RAB38: variants seen among roughly 807,000 people sequenced by gnomAD.
RAB38 encodes ras-related protein Rab-38.
In RAB38, 15 loss-of-function variants were observed where a neutral mutation model predicts 18.4. That is an observed-to-expected ratio of 0.82 (90% CI 0.55 to 1.26). The LOEUF (loss-of-function observed/expected upper bound fraction) is 1.26, where lower values mean the gene tolerates loss of function less well. Ranked by LOEUF, RAB38 falls within the 50% of genes most tolerant of loss-of-function variation. The probability of loss-of-function intolerance (pLI) is 0.00; values close to 1 mark genes in which losing one functional copy is unlikely to be tolerated. For synonymous variants in RAB38, 101 were observed against 104.4 expected (o/e 0.97, Z 0.20); for missense variants, 294 against 267.4 (o/e 1.10, Z -0.69).
the RAB38 span, among the ~76,000 whole-genome samples, chr11:87,961,168 G>A: frequency 6.6e-6 from 1 of 152,064 alleles, no homozygotes; most frequent in African/African-American, 2.4e-5. Context: ...CCTCCTTTCA[G>A]CTAGAGTGCT....
the RAB38 span, among the ~76,000 whole-genome samples, chr11:88,020,281 CA>C: frequency 6.6e-6 from 1 of 151,718 alleles, no homozygotes; most frequent in African/African-American, 2.4e-5. Flanking sequence ...CAATGAAAAC[CA>C]AAAAAGAGCA....
the RAB38 span, among the ~76,000 whole-genome samples, chr11:87,969,922 G>T: frequency 6.6e-6 from 1 of 152,078 alleles, no homozygotes. Context: ...TTTGAGGAGA[G>T]GTAGGGTTCA....
At chr11:88,055,557 A>C in the RAB38 span, among the ~76,000 whole-genome samples, 2 of 152,216 alleles carry the variant, frequency 1.3e-5, no homozygotes, top group African/African-American at 4.8e-5. Flanking sequence ...TTCTATCTGC[A>C]AAGTGTAGAG....
At chr11:87,828,542 G>C in the RAB38 span, among the ~76,000 whole-genome samples, 1 of 152,164 alleles carries the variant, frequency 6.6e-6, no homozygotes, top group Non-Finnish European at 1.5e-5. Flanking sequence ...GTGAGAAGAG[G>C]TGTTTTCTGC....
chr11:87,910,151 TACTA>T, the RAB38 span, among the ~76,000 whole-genome samples: 13 of 151,770 alleles, frequency 8.6e-5, no homozygotes, highest in Admixed American at 3.9e-4. Context: ...TTAATTTTTC[TACTA>T]ACTAATTATG....
chr11:87,922,393 T>G, the RAB38 span, among the ~76,000 whole-genome samples: 2 of 152,060 alleles, frequency 1.3e-5, no homozygotes, highest in Non-Finnish European at 2.9e-5. Context: ...GCACTGTTTT[T>G]GTTTCAATCA....
intron 1 of RAB38, among the ~76,000 whole-genome samples, chr11:88,150,975 T>TTG (rs1943056778): frequency 6.6e-6 from 1 of 152,194 alleles, no homozygotes; most frequent in Non-Finnish European, 1.5e-5. Flanking sequence ...CCTTAAATAC[T>TTG]CTACAACCTA....
chr11:87,972,699 G>A, the RAB38 span, among the ~76,000 whole-genome samples: 1 of 152,052 alleles, frequency 6.6e-6, no homozygotes, highest in East Asian at 1.9e-4. Flanking sequence ...ACAGCTTTTT[G>A]AATATTTTTT....
the RAB38 span, among the ~76,000 whole-genome samples, chr11:88,045,866 C>T: frequency 1.7e-3 from 266 of 152,244 alleles, no homozygotes; most frequent in South Asian, 3.5e-3. Context: ...CTTAAAACTC[C>T]CCAACTCTGG....
chr11:87,806,495 C>T, the RAB38 span, among the ~76,000 whole-genome samples: 12 of 152,268 alleles, frequency 7.9e-5, no homozygotes, highest in Admixed American at 7.9e-4. Flanking sequence ...AATACTGTTA[C>T]ATTGGGAATA....
At chr11:88,174,980 A>T (rs930403468) in intron 1 of RAB38, among the ~76,000 whole-genome samples, 8 of 152,254 alleles carry the variant, frequency 5.3e-5, no homozygotes, top group African/African-American at 1.9e-4. Flanking sequence ...AAGGAGCTAA[A>T]GCAATAGCCC....
chr11:87,935,707 A>C, the RAB38 span, among the ~76,000 whole-genome samples: 6 of 152,040 alleles, frequency 3.9e-5, no homozygotes, highest in African/African-American at 7.2e-5. Flanking sequence ...GAACATTTCC[A>C]TTACCATAAG....
downstream of RAB38, among the ~76,000 whole-genome samples, chr11:88,110,797 C>A (rs483313): frequency 6.8e-6 from 1 of 147,674 alleles, no homozygotes; most frequent in Admixed American, 6.7e-5. Flanking sequence ...CTGGGCAATA[C>A]AGTGAGACTC....
At chr11:87,841,001 T>C in the RAB38 span, among the ~76,000 whole-genome samples, 4 of 152,194 alleles carry the variant, frequency 2.6e-5, no homozygotes, top group Non-Finnish European at 5.9e-5. Flanking sequence ...AATTCCATCA[T>C]TCCTGGCCCC....
chr11:88,007,352 G>A, the RAB38 span, among the ~76,000 whole-genome samples: 1 of 56,106 alleles, frequency 1.8e-5, no homozygotes, highest in South Asian at 1.1e-3. Flanking sequence ...CATAGTCTGA[G>A]AAAAAGTACA....
At chr11:88,023,578 C>A in the RAB38 span, among the ~76,000 whole-genome samples, 1 of 151,834 alleles carries the variant, frequency 6.6e-6, no homozygotes, top group South Asian at 2.1e-4. Context: ...CACAAAAGGA[C>A]CAGAATAGCC....
At chr11:88,048,453 G>A in the RAB38 span, among the ~76,000 whole-genome samples, 1 of 152,072 alleles carries the variant, frequency 6.6e-6, no homozygotes, top group Non-Finnish European at 1.5e-5. Context: ...CAGACTAATG[G>A]TCTTTTAAAG....
At chr11:87,921,474 T>G in the RAB38 span, among the ~76,000 whole-genome samples, 1 of 151,520 alleles carries the variant, frequency 6.6e-6, no homozygotes, top group Non-Finnish European at 1.5e-5. Flanking sequence ...TTAGGCATAT[T>G]AAATGCATTT....
At chr11:88,029,563 A>T in the RAB38 span, among the ~76,000 whole-genome samples, 1 of 152,186 alleles carries the variant, frequency 6.6e-6, no homozygotes. Flanking sequence ...AAACAAAAAA[A>T]GGCAGGGTTT....
Sources: gnomAD v4.1 joint callset for allele counts (sites outside exome capture counted in the v4.1 genomes callset) on GRCh38, gnomAD v4.1.1 for gene constraint, MANE v1.5 for transcripts, NCBI Gene and HGNC (gene_info 2026-07-23, HGNC 2026-07-21) for gene names.